The following ANKRD10 variants were observed in gnomAD, a reference collection of about 807,000 sequenced individuals.
ANKRD10 encodes ankyrin repeat domain 10.
Under a neutral mutation model 27.0 loss-of-function variants are expected in ANKRD10, and 14 were observed. That is an observed-to-expected ratio of 0.52 (90% CI 0.34 to 0.81). The LOEUF is 0.81. Ranked by LOEUF, ANKRD10 falls within the 40% of genes least tolerant of loss-of-function variation. The probability of loss-of-function intolerance (pLI) is 0.01; values close to 1 mark genes in which losing one functional copy is unlikely to be tolerated. For synonymous variants in ANKRD10, 250 were observed against 224.5 expected, an observed-to-expected ratio of 1.11 and a Z score of -1.01; for missense variants, 493 against 544.0, an observed-to-expected ratio of 0.91 and a Z score of 0.93.
At chr13:110,891,911 C>T (rs1353795092) in intron 4 of ANKRD10, among the ~76,000 whole-genome samples, 1 of 140,368 alleles carries the variant, frequency 7.1e-6, no homozygotes, top group East Asian at 2.1e-4. Flanking sequence ...CAAGGTCTCA[C>T]TATGTTGCCC....
intron 4 of ANKRD10, among the ~76,000 whole-genome samples, 184 bp from the exon 5 acceptor site, chr13:110,883,977 CT>C (rs1185734463): frequency 6.6e-6 from 1 of 152,164 alleles, no homozygotes; most frequent in Non-Finnish European, 1.5e-5. Context: ...AAAAAGATTT[CT>C]TGACATGTGC....
At chr13:110,899,299 T>A (rs1353760106) in intron 3 of ANKRD10, 2 of 152,242 alleles carry the variant, frequency 1.3e-5, no homozygotes, top group Admixed American at 6.5e-5. Flanking sequence ...AGTGTACACA[T>A]TATTTTCAGA....
intron 1 of ANKRD10, among the ~76,000 whole-genome samples, chr13:110,911,093 A>G (rs890496811): frequency 2.6e-5 from 4 of 152,270 alleles, no homozygotes; most frequent in African/African-American, 9.6e-5. Flanking sequence ...CAAGACTTCT[A>G]TCAAAACTGT....
intron 2 of ANKRD10, among the ~76,000 whole-genome samples, chr13:110,907,508 A>G (rs2065570231): frequency 1.3e-5 from 2 of 152,352 alleles, no homozygotes; most frequent in South Asian, 2.1e-4. Context: ...AGGGCCACCC[A>G]AAGTTAAAAA....
At chr13:110,888,460 T>C (rs567008946) in intron 4 of ANKRD10, among the ~76,000 whole-genome samples, 1 of 151,628 alleles carries the variant, frequency 6.6e-6, no homozygotes, top group African/African-American at 2.4e-5. Flanking sequence ...CCTGGCCACA[T>C]TTTTATAAAC....
chr13:110,902,748 A>C (rs1192881432), intron 3 of ANKRD10, among the ~76,000 whole-genome samples: 1 of 152,222 alleles, frequency 6.6e-6, no homozygotes, highest in East Asian at 1.9e-4. Flanking sequence ...AAACACTGGC[A>C]TCCGTATAAT....
intron 2 of ANKRD10, among the ~76,000 whole-genome samples, chr13:110,909,390 C>A (rs2065629413): frequency 6.6e-6 from 1 of 152,112 alleles, no homozygotes; most frequent in Non-Finnish European, 1.5e-5. Flanking sequence ...CAAGGCGCTG[C>A]CCAGCACATA....
chr13:110,893,310 C>G, intron 3 of ANKRD10, 47 bp from the exon 4 acceptor site: 3 of 1,572,128 alleles, frequency 1.9e-6, no homozygotes, highest in Non-Finnish European at 2.6e-6. Context: ...GCGTGCTAAC[C>G]TGGTCTCTGC....
At chr13:110,888,914 A>G (rs2065004405) in intron 4 of ANKRD10, among the ~76,000 whole-genome samples, 1 of 152,222 alleles carries the variant, frequency 6.6e-6, no homozygotes, top group Non-Finnish European at 1.5e-5. Flanking sequence ...ATCTGCTGTC[A>G]CCACAGCCTA....
At chr13:110,906,320 T>G (rs533993157) in intron 2 of ANKRD10, among the ~76,000 whole-genome samples, 196 bp from the exon 3 acceptor site, 1 of 152,130 alleles carries the variant, frequency 6.6e-6, no homozygotes, top group African/African-American at 2.4e-5. Flanking sequence ...GGCCAAGATA[T>G]TTGGTCGTTG....
At chr13:110,902,038 G>C (rs1243153065) in intron 3 of ANKRD10, among the ~76,000 whole-genome samples, 2 of 106,498 alleles carry the variant, frequency 1.9e-5, no homozygotes, top group African/African-American at 7.4e-5. Flanking sequence ...GGGAGACTCT[G>C]TCTCTTTTTA....
chr13:110,883,565 C>G, intron 5 of ANKRD10, 133 bp downstream of exon 5: 2 of 1,412,376 alleles, frequency 1.4e-6, no homozygotes, highest in Non-Finnish European at 1.9e-6. Context: ...ATTCCTGCAA[C>G]GACAGGGGGT....
At chr13:110,909,431 G>A (rs554875681) in intron 2 of ANKRD10, among the ~76,000 whole-genome samples, 33 of 152,224 alleles carry the variant, frequency 2.2e-4, no homozygotes, top group Non-Finnish European at 4.3e-4. Context: ...CATAACTCTC[G>A]AATTTATGAA....
intron 4 of ANKRD10, among the ~76,000 whole-genome samples, chr13:110,884,352 A>C (rs969579130): frequency 7.2e-5 from 11 of 152,320 alleles, no homozygotes; most frequent in Non-Finnish European, 1.3e-4. Flanking sequence ...TGTGAAGCTA[A>C]AGCTACACGG....
chr13:110,884,512 T>C (rs1205946353), intron 4 of ANKRD10, among the ~76,000 whole-genome samples: 1 of 152,238 alleles, frequency 6.6e-6, no homozygotes, highest in African/African-American at 2.4e-5. Context: ...CGGCTTCTCG[T>C]GTTTAAGAAT....
chr13:110,898,168 G>A (rs2065279335), intron 3 of ANKRD10, among the ~76,000 whole-genome samples: 1 of 152,134 alleles, frequency 6.6e-6, no homozygotes, highest in African/African-American at 2.4e-5. Context: ...GAGTGTTTTT[G>A]GTTACATGTT....
At position 110,893,265 on chromosome 13, in the gene ANKRD10, T is replaced by C. The variant is rs1334093037; in HGVS notation, c.456-2A>G. The C allele has an allele frequency of 6.2e-7, 1 of 1,613,544 alleles. No homozygotes were observed. Among genetic ancestry groups the C allele is most frequent in the East Asian group, 2.2e-5 (1 of 44,866 alleles). On this transcript the variant is annotated splice_acceptor_variant, in intron 3 of 5. Transcript: ENST00000267339. LOFTEE classifies it high-confidence loss of function. ...GTCAGGCCACTGGCATTTCTCAGGC[T>C]GTACAACACAAAAACACTGAATTAC...
intron 3 of ANKRD10, among the ~76,000 whole-genome samples, chr13:110,901,587 T>C (rs556129596): frequency 1.3e-5 from 2 of 152,294 alleles, no homozygotes; most frequent in East Asian, 3.9e-4. Context: ...CAATCAAAAT[T>C]CTGAACAATT....
At chr13:110,892,343 T>G (rs577476239) in intron 4 of ANKRD10, among the ~76,000 whole-genome samples, 2 of 140,652 alleles carry the variant, frequency 1.4e-5, no homozygotes, top group Non-Finnish European at 3.0e-5. Context: ...GACAGGAGAA[T>G]TGCTTTAACT....
Sources: gnomAD v4.1 joint callset for allele counts (sites outside exome capture counted in the v4.1 genomes callset) on GRCh38, gnomAD v4.1.1 for gene constraint, MANE v1.5 for transcripts, NCBI Gene and HGNC (gene_info 2026-07-23, HGNC 2026-07-21) for gene names.